Variants in DAPK3 observed in about 807,000 individuals in gnomAD.
DAPK3 encodes the protein death associated protein kinase 3, also known as death-associated protein kinase 3.
A neutral mutation model predicts 30.6 loss-of-function variants in DAPK3; 24 were observed. The ratio of observed to expected loss-of-function variants is 0.78; its 90% CI spans 0.57 to 1.10. The LOEUF (loss-of-function observed/expected upper bound fraction) is 1.10, where lower values mean the gene tolerates loss of function less well. Ranked by LOEUF, DAPK3 falls within the 50% of genes least tolerant of loss-of-function variation. The pLI, the probability that DAPK3 is intolerant of heterozygous loss-of-function variation, is 0.00. For synonymous variants in DAPK3, 341 were observed against 284.0 expected (o/e 1.20, Z -2.02); for missense variants, 629 against 657.3 (o/e 0.96, Z 0.47).
intron 6 of DAPK3, 116 bp from the exon 7 acceptor site, chr19:3,961,277 G>T: frequency 1.2e-6 from 1 of 829,400 alleles, no homozygotes. Flanking sequence ...CAGGTGCCTG[G>T]GCCACTCACA....
Position 3,969,731 on chromosome 19 carries a change from G to A in DAPK3, c.5C>T (p.Ser2Phe). 6 of 1,611,420 alleles carry A rather than the reference G, an allele frequency of 3.7e-6. No individual in the cohort carries two copies. Among genetic ancestry groups the A allele is most frequent in the Non-Finnish European group, 5.1e-6 (6 of 1,178,794 alleles). The change falls in exon 2 of 9, where the codon TCC becomes TTC. Residue 2 changes from serine (S) to phenylalanine (F), a missense_variant. By Grantham distance (155) the Ser-to-Phe change is radical (BLOSUM62 -2). Coordinates refer to ENST00000545797, the MANE Select transcript of DAPK3 (RefSeq NM_001348.3). M[S>F]TFRQEDVEDH... is the part of the protein sequence containing the mutation. ...CTCCACGTCCTCCTGCCTGAACGTG[G>A]ACATGGCGGCCGGTCCGCCTTCCAG...
chr19:3,964,043 G>T (rs112058304), intron 4 of DAPK3, 124 bp from the exon 5 acceptor site: 66 of 820,276 alleles, frequency 8.0e-5, no homozygotes, highest in African/African-American at 7.8e-4. Context: ...ATGCGGCAGA[G>T]CTGGCCCTCA....
intron 2 of DAPK3, 125 bp from the exon 3 acceptor site, chr19:3,965,116 A>G (rs1419509810): frequency 1.9e-5 from 12 of 626,076 alleles, no homozygotes; most frequent in East Asian, 1.9e-4. Context: ...CTTGAAGGAC[A>G]TGAGCTGGCC....
rs1410563097 is a variant in DAPK3 at position 3,969,696 on chromosome 19, C to T, written c.40G>A (p.Glu14Lys). ...CACCTGCCCAGCTCCTCCCCCATCTCATAATGGTCCTCCACGTCCTCCTGC... is the reference window on the plus strand; with the variant it reads ...CACCTGCCCAGCTCCTCCCCCATCTTATAATGGTCCTCCACGTCCTCCTGC... The part of the protein sequence containing the change: ...FRQEDVEDHY[E>K]MGEELGSGQF... The change falls in exon 2 of 9, where the codon GAG becomes AAG. Residue 14 changes from glutamate (E) to lysine (K), a missense_variant. By Grantham distance (56) the Glu-to-Lys change is moderately conservative (BLOSUM62 1). Coordinates refer to ENST00000545797, the MANE Select transcript of DAPK3 (RefSeq NM_001348.3). 6.8e-6 allele frequency: 11 copies of T among 1,611,978 alleles called. No individual in the cohort carries two copies. Among genetic ancestry groups the T allele is most frequent in the Non-Finnish European group, 9.3e-6 (11 of 1,178,876 alleles).
chr19:3,959,441 A>G lies in DAPK3; in HGVS notation c.1025T>C (p.Leu342Pro). ...GTGGCAGAGCCGCCGGCTGCGCTGC[A>G]GCTCGCGCAGGCCCTCCTCGGCGGC... ...AAAAEEGLRE[L>P]QRSRRLCHED... Residue 342 changes from leucine (L) to proline (P), a missense_variant, in exon 9 of 9, where the codon CTG becomes CCG. Transcript: ENST00000545797. 1 of 1,548,990 alleles carries G rather than the reference A, an allele frequency of 6.5e-7. No individual in the cohort carries two copies. Among genetic ancestry groups the G allele is most frequent in the Non-Finnish European group, 8.7e-7 (1 of 1,153,838 alleles).
Position 3,961,032 on chromosome 19 carries a change from G to A in DAPK3, c.759C>T (p.Arg253=). 6.2e-7 allele frequency: 1 copy of A among 1,613,754 alleles called. No homozygotes were observed. The highest frequency in any genetic ancestry group is 8.5e-7 in the Non-Finnish European group (1 of 1,179,936). The change falls in exon 7 of 9, where the codon CGC becomes CGT. Residue 253 remains arginine (R), a synonymous_variant. Coordinates refer to ENST00000545797, the MANE Select transcript of DAPK3 (RefSeq NM_001348.3). ...ACTTGGGATCTTTGACGAGCAGCCG[G>A]CGAATGAAGTCCTTGGCCAGCTCGC... is the stretch of plus-strand genomic sequence containing the variant. ...NTSELAKDFI[R]RLLVKDPKRR...
Position 3,958,841 on chromosome 19 carries a change from G to C in DAPK3, c.*260C>G, listed in dbSNP as rs947195524. 1 of 581,466 alleles carries C rather than the reference G, an allele frequency of 1.7e-6. No homozygotes were observed. The highest frequency in any genetic ancestry group is 1.9e-5 in the African/African-American group (1 of 53,052). 36.0% of individuals were successfully genotyped at this position (581,466 alleles called of 1,614,324 possible). A position where few individuals can be genotyped will look rare whatever the true frequency, so the allele number is the denominator to read the frequency against. ...CACGGTGCCACAGGCCACGCTGCCT[G>C]GAGGGTCCCAGGGTCACCGACGATG... is the stretch of plus-strand genomic sequence containing the variant. On this transcript the variant is annotated 3_prime_UTR_variant, in exon 9 of 9. Coordinates refer to ENST00000545797, the MANE Select transcript of DAPK3 (RefSeq NM_001348.3).
At chr19:3,962,603 T>C (rs1358125150) in intron 6 of DAPK3, among the ~76,000 whole-genome samples, 1 of 151,772 alleles carries the variant, frequency 6.6e-6, no homozygotes, top group East Asian at 1.9e-4. Flanking sequence ...TGGTGAAACA[T>C]CGTCTCTACT....
chr19:3,964,210 C>A, intron 4 of DAPK3, 34 bp downstream of exon 4: 1 of 1,569,442 alleles, frequency 6.4e-7, no homozygotes, highest in East Asian at 2.3e-5. Context: ...ACCACCCTCC[C>A]CAGGCCGGGG....
At chr19:3,967,339 C>T (rs1387565301) in intron 2 of DAPK3, among the ~76,000 whole-genome samples, 1 of 152,118 alleles carries the variant, frequency 6.6e-6, no homozygotes, top group East Asian at 1.9e-4. Context: ...ATAATCCCAG[C>T]TACTCGGGAG....
intron 2 of DAPK3, among the ~76,000 whole-genome samples, chr19:3,968,676 G>C (rs1478564058): frequency 6.6e-6 from 1 of 152,156 alleles, no homozygotes; most frequent in Non-Finnish European, 1.5e-5. Flanking sequence ...GCATGAGAAG[G>C]GGGAGGAGGG....
chr19:3,963,845 C>A, intron 5 of DAPK3, 26 bp downstream of exon 5: 1 of 1,520,522 alleles, frequency 6.6e-7, no homozygotes. Context: ...GCAGGGAGGC[C>A]CGGTGGGAGC....
At chr19:3,962,391 C>T (rs1017416881) in intron 6 of DAPK3, among the ~76,000 whole-genome samples, 5 of 152,232 alleles carry the variant, frequency 3.3e-5, no homozygotes, top group Non-Finnish European at 5.9e-5. Flanking sequence ...GCTGGGCCCA[C>T]GCCATTGTTT....
intron 2 of DAPK3, among the ~76,000 whole-genome samples, chr19:3,966,866 G>C (rs1481704925): frequency 6.6e-6 from 1 of 152,182 alleles, no homozygotes; most frequent in African/African-American, 2.4e-5. Flanking sequence ...CCACAGACTT[G>C]CTCCTTAGAG....
In DAPK3 at chr19:3,965,027, A is replaced by C. The variant is rs747732987; in HGVS notation, c.63-36T>G. The C allele has an allele frequency of 9.7e-5, 115 of 1,181,870 alleles. No homozygotes were observed. The Middle Eastern group carries it at 4.0e-3, about 41-fold the overall frequency. The allele number at this position is 1,181,870 out of a possible 1,614,324, so 73.2% of individuals were successfully genotyped here. A position where few individuals can be genotyped will look rare whatever the true frequency, so the allele number is the denominator to read the frequency against. On this transcript the variant is annotated intron_variant, in intron 2 of 8. Transcript: ENST00000545797. ...GGGAGGGAGTGAGTGGGGGTGGAGG[A>C]GGCGGAGGGAGTAAGTGGGGGTGGC...
At chr19:3,962,787 C>CAAAAA (rs35117218) in intron 6 of DAPK3, among the ~76,000 whole-genome samples, 13 of 68,036 alleles carry the variant, frequency 1.9e-4, no homozygotes, top group African/African-American at 4.5e-4. Context: ...AACTCTGTCT[C>CAAAAA]AAAAAAAAAA....
chr19:3,969,128 C>T (rs1217047621), intron 2 of DAPK3, among the ~76,000 whole-genome samples: 1 of 151,942 alleles, frequency 6.6e-6, no homozygotes, highest in Admixed American at 6.6e-5. Context: ...AGAGGATTAA[C>T]ACAGGGAGAT....
At chr19:3,959,715 G>A in intron 8 of DAPK3, 78 bp from the exon 9 acceptor site, 1 of 1,424,196 alleles carries the variant, frequency 7.0e-7, no homozygotes, top group South Asian at 1.4e-5. Context: ...AGTGTGAACT[G>A]AGGTTCAGGG....
At chr19:3,964,550 A>G in intron 3 of DAPK3, 81 bp downstream of exon 3, 1 of 1,299,754 alleles carries the variant, frequency 7.7e-7, no homozygotes, top group Non-Finnish European at 1.0e-6. Context: ...CACGCGCAGG[A>G]GGTGCCTTCC....
Sources: gnomAD v4.1 joint callset for allele counts (sites outside exome capture counted in the v4.1 genomes callset) on GRCh38, gnomAD v4.1.1 for gene constraint, MANE v1.5 for transcripts, NCBI Gene and HGNC (gene_info 2026-07-23, HGNC 2026-07-21) for gene names.